The following TP53BP1 variants were observed in gnomAD, a reference collection of about 807,000 sequenced individuals.
TP53BP1 encodes TP53-binding protein 1.
In TP53BP1, 61 loss-of-function variants were observed where a neutral mutation model predicts 200.8. The observed-to-expected ratio is 0.30, with a 90% CI of 0.25 to 0.38. TP53BP1 has a LOEUF of 0.38. Ranked by LOEUF, TP53BP1 falls within the 10% of genes least tolerant of loss-of-function variation. The pLI, the probability that TP53BP1 is intolerant of heterozygous loss-of-function variation, is 1.00. For synonymous variants in TP53BP1, 822 were observed against 844.3 expected, an observed-to-expected ratio of 0.97 and a Z score of 0.46; for missense variants, 2,144 against 2,371.9, an observed-to-expected ratio of 0.90 and a Z score of 2.00.
intron 23 of TP53BP1, among the ~76,000 whole-genome samples, chr15:43,414,486 A>C (rs2045212780): frequency 6.6e-6 from 1 of 152,202 alleles, no homozygotes; most frequent in African/African-American, 2.4e-5. Context: ...ACAATGTAAC[A>C]ATCAATGGAG....
At chr15:43,440,446 C>T (rs139362514) in intron 15 of TP53BP1, among the ~76,000 whole-genome samples, 98 of 149,800 alleles carry the variant, frequency 6.5e-4, no homozygotes, top group African/African-American at 2.3e-3. Context: ...ACCCGGGAGG[C>T]GGAGCTTGCA....
Position 43,469,968 on chromosome 15 carries a change from G to A in TP53BP1, c.1279C>T (p.Leu427Phe), listed in dbSNP as rs1478660473. Residue 427 changes from leucine (L) to phenylalanine (F), a missense_variant, in exon 11 of 28, where the codon CTC becomes TTC. By Grantham distance (22) the Leu-to-Phe change is conservative. Around this residue, in one of 4 missense-constraint regions of TP53BP1, gnomAD observed 1,700 missense variants for 1,710.3 expected, o/e 0.99. Coordinates refer to ENST00000382044, the MANE Select transcript of TP53BP1 (RefSeq NM_001141980.3). ...GEPVELENPP[L>F]LPESTVSPQA... is the part of the protein sequence containing the mutation. ...GGTGATACAGTGGACTCAGGCAGGA[G>A]AGGGGGGTTTTCTAACTCCACTGGT... 2 of 1,613,908 alleles carry A rather than the reference G, an allele frequency of 1.2e-6. No individual in the cohort carries two copies. The highest frequency in any genetic ancestry group is 8.5e-7 in the Non-Finnish European group (1 of 1,180,026).
chr15:43,420,678 T>C lies in TP53BP1; in HGVS notation c.4308A>G (p.Pro1436=), dbSNP rs2230448. Reference sequence around the variant, plus strand: ...CGACACGGCTGAAGGATTTATCATCTGGTGACAAGTTAGGTGAAATGTCCT... The same window carrying C: ...CGACACGGCTGAAGGATTTATCATCCGGTGACAAGTTAGGTGAAATGTCCT... ...GIEDISPNLS[P]DDKSFSRVVP... is the part of the protein sequence containing the mutation. Residue 1436 remains proline, a synonymous_variant, in exon 21 of 28, where the codon CCA becomes CCG. Transcript: ENST00000382044. 1.3e-3 allele frequency: 2,027 copies of C among 1,614,232 alleles called. 37 individuals are homozygous for C. The East Asian group carries it at 0.037, about 30-fold the overall frequency.
At chr15:43,503,521 T>C (rs1269769937) in intron 1 of TP53BP1, among the ~76,000 whole-genome samples, 1 of 152,114 alleles carries the variant, frequency 6.6e-6, no homozygotes, top group Admixed American at 6.5e-5. Flanking sequence ...TAGCCGGGCA[T>C]GGTGGCCAGC....
At chr15:43,442,584 GTC>G (rs890759114) in intron 14 of TP53BP1, among the ~76,000 whole-genome samples, 5 of 151,392 alleles carry the variant, frequency 3.3e-5, no homozygotes, top group African/African-American at 1.2e-4. Context: ...TGCAACCTGT[GTC>G]TCCTGGGTTC....
At chr15:43,411,062 A>AC (rs1780497177) in intron 24 of TP53BP1, among the ~76,000 whole-genome samples, 1 of 152,000 alleles carries the variant, frequency 6.6e-6, no homozygotes, top group African/African-American at 2.4e-5. Context: ...CACTGCCAAC[A>AC]CCCCTTACAG....
rs922777421 is a variant in TP53BP1 at position 43,438,392 on chromosome 15, C to T, written c.3123G>A (p.Leu1041=). The part of the protein sequence containing the change: ...VASPQKTMSV[L]SCICEARQEN... ...CTTGCCTGGCTTCACAGATACAGCTCAACACAGACATGGTCTTCTGGGGAC... is the reference window on the plus strand; with the variant it reads ...CTTGCCTGGCTTCACAGATACAGCTTAACACAGACATGGTCTTCTGGGGAC... The change falls in exon 16 of 28, where the codon TTG becomes TTA. Residue 1041 remains leucine (L), a synonymous_variant. Coordinates refer to ENST00000382044, the MANE Select transcript of TP53BP1 (RefSeq NM_001141980.3). The T allele has an allele frequency of 3.1e-6, 5 of 1,612,730 alleles. No individual in the cohort carries two copies. Among genetic ancestry groups the T allele is most frequent in the African/African-American group, 1.3e-5 (1 of 74,862 alleles).
chr15:43,454,132 G>C (rs1191182445), intron 12 of TP53BP1, among the ~76,000 whole-genome samples: 2 of 151,576 alleles, frequency 1.3e-5, no homozygotes, highest in African/African-American at 4.8e-5. Context: ...TTGAACCCGG[G>C]AGGCAGAGGT....
chr15:43,487,745 T>C (rs1466545017), intron 4 of TP53BP1, among the ~76,000 whole-genome samples: 1 of 149,638 alleles, frequency 6.7e-6, no homozygotes, highest in Non-Finnish European at 1.5e-5. Flanking sequence ...TGAGCTGAGA[T>C]TGCATTCCAG....
chr15:43,434,541 A>T (rs2045745902), intron 16 of TP53BP1, among the ~76,000 whole-genome samples: 1 of 152,160 alleles, frequency 6.6e-6, no homozygotes, highest in Non-Finnish European at 1.5e-5. Context: ...CTAACCACCA[A>T]GGTGATGGTA....
intron 15 of TP53BP1, among the ~76,000 whole-genome samples, chr15:43,439,359 C>T (rs996928804): frequency 2.6e-5 from 4 of 152,080 alleles, no homozygotes; most frequent in Non-Finnish European, 4.4e-5. Flanking sequence ...GGCAACATGA[C>T]GAAACCCCAT....
At chr15:43,452,542 G>A (rs112294638) in intron 12 of TP53BP1, among the ~76,000 whole-genome samples, 98 of 152,114 alleles carry the variant, frequency 6.4e-4, no homozygotes, top group African/African-American at 2.1e-3. Context: ...CAGCCTGGGC[G>A]ACAGAGTGAG....
Position 43,404,475 on chromosome 15 carries a change from CA to C in TP53BP1, c.*2907del, listed in dbSNP as rs1194584023. On this transcript the variant is annotated 3_prime_UTR_variant, in exon 28 of 28. Transcript: ENST00000382044. ...TCTCCAGTGTTCGGAATCATCAGAT[CA>C]ACTCAGATTTGGCTCAACTACTGTT... 1.2e-6 allele frequency: 2 copies of C among 1,614,036 alleles called. No homozygotes were observed. Among genetic ancestry groups the C allele is most frequent in the Non-Finnish European group, 1.7e-6 (2 of 1,180,034 alleles).
At chr15:43,491,911 T>G in intron 3 of TP53BP1, 91 bp downstream of exon 3, 1 of 1,177,312 alleles carries the variant, frequency 8.5e-7, no homozygotes, top group Non-Finnish European at 1.3e-6. Flanking sequence ...CTTACATACA[T>G]TCGACACAAC....
intron 1 of TP53BP1, among the ~76,000 whole-genome samples, chr15:43,499,899 T>C (rs689781): frequency 0.28 from 42,912 of 152,130 alleles, 10,244 homozygotes; most frequent in African/African-American, 0.65. Flanking sequence ...GAAATAATGA[T>C]AGTACAAGAT....
chr15:43,469,922 G>C lies in TP53BP1; in HGVS notation c.1325C>G (p.Ser442Cys). 1 of 1,614,120 alleles carries C rather than the reference G, an allele frequency of 6.2e-7. No individual in the cohort carries two copies. The highest frequency in any genetic ancestry group is 1.7e-4 in the Middle Eastern group (1 of 6,052). Reference sequence around the variant, plus strand: ...AGGAGGGAAGACTGGTGTGCTCTGAGATATTGGTGTTGAGGCTTGTGGTGA... The same window carrying C: ...AGGAGGGAAGACTGGTGTGCTCTGACATATTGGTGTTGAGGCTTGTGGTGA... ...TVSPQASTPI[S>C]QSTPVFPPGS... The change falls in exon 11 of 28, where the codon TCT (serine) becomes TGT (cysteine). Residue 442 changes from serine to cysteine, a missense_variant. Transcript: ENST00000382044.
chr15:43,499,401 C>T (rs960945627), intron 1 of TP53BP1, among the ~76,000 whole-genome samples: 1 of 152,100 alleles, frequency 6.6e-6, no homozygotes, highest in African/African-American at 2.4e-5. Flanking sequence ...ACATGTACCC[C>T]TGAACCTCAA....
upstream of TP53BP1, chr15:43,493,190 G>A: frequency 6.8e-7 from 1 of 1,468,712 alleles, no homozygotes; most frequent in South Asian, 1.3e-5. Flanking sequence ...ATATCGGATC[G>A]TCCATTCGCT....
chr15:43,493,283 C>A (rs1221702536), upstream of TP53BP1: 34 of 1,351,300 alleles, frequency 2.5e-5, no homozygotes, highest in Non-Finnish European at 3.0e-5. Context: ...AAAAGGAACA[C>A]GGCGGCGCGT....
Sources: allele counts gnomAD v4.1 joint callset (sites outside exome capture counted in the v4.1 genomes callset), GRCh38; gene constraint gnomAD v4.1.1; regional missense constraint gnomAD v4.1.1; transcripts MANE v1.5; gene names NCBI Gene and HGNC (gene_info 2026-07-23, HGNC 2026-07-21).